The following IL10RB variants were observed in gnomAD, a reference collection of about 807,000 sequenced individuals.
IL10RB encodes the protein interleukin-10 receptor subunit beta.
A neutral mutation model predicts 38.7 loss-of-function variants in IL10RB; 30 were observed. The observed-to-expected ratio is 0.78, with a 90% confidence interval of 0.58 to 1.05. IL10RB has a LOEUF of 1.05. Among genes scored for constraint, IL10RB ranks in the 50% least tolerant of loss-of-function variants. The pLI is 0.00. For missense variants in IL10RB, 328 were observed against 397.1 expected, an observed-to-expected ratio of 0.83 and a Z score of 1.48; for synonymous variants, 142 against 145.9, an observed-to-expected ratio of 0.97 and a Z score of 0.19.
chr21:33,270,455 A>G (rs908375906), intron 2 of IL10RB, among the ~76,000 whole-genome samples: 6 of 149,352 alleles, frequency 4.0e-5, no homozygotes, highest in Non-Finnish European at 5.9e-5. Context: ...ATCTCATCTC[A>G]CTGCAACCTC....
downstream of IL10RB, among the ~76,000 whole-genome samples, chr21:33,298,243 A>G (rs1391579852): frequency 6.6e-6 from 1 of 152,238 alleles, no homozygotes; most frequent in East Asian, 1.9e-4. Context: ...GTTGACACAT[A>G]AAATTAACCA....
chr21:33,283,254 A>G lies in IL10RB; in HGVS notation c.646+13A>G. On this transcript the variant is annotated intron_variant, in intron 5 of 6. Coordinates refer to ENST00000290200, the MANE Select transcript of IL10RB (RefSeq NM_000628.5). ...ACAACCCATGACGGTAAGCCCTGAGATGCACCTCCGCTAAGCATCCTAAAC... is the reference window on the plus strand; with the variant it reads ...ACAACCCATGACGGTAAGCCCTGAGGTGCACCTCCGCTAAGCATCCTAAAC... 6.2e-7 allele frequency: 1 copy of G among 1,612,908 alleles called. No individual in the cohort carries two copies. Among genetic ancestry groups the G allele is most frequent in the Non-Finnish European group, 8.5e-7 (1 of 1,179,708 alleles).
intron 6 of IL10RB, among the ~76,000 whole-genome samples, chr21:33,289,262 A>T (rs45557043): frequency 1.3e-5 from 2 of 152,220 alleles, no homozygotes; most frequent in African/African-American, 4.8e-5. Flanking sequence ...CACAGCCTCC[A>T]TTACAGTCAC....
chr21:33,281,792 T>C (rs940229336), intron 4 of IL10RB, among the ~76,000 whole-genome samples: 1 of 152,176 alleles, frequency 6.6e-6, no homozygotes. Context: ...CTCTAGAATG[T>C]AGAGATTCCT....
intron 6 of IL10RB, among the ~76,000 whole-genome samples, chr21:33,293,010 G>A (rs1468398965): frequency 2.0e-5 from 3 of 152,214 alleles, no homozygotes; most frequent in Non-Finnish European, 4.4e-5. Flanking sequence ...CCAGAACCCT[G>A]AGGCCTCCAC....
chr21:33,286,328 T>C (rs148496026), intron 5 of IL10RB, among the ~76,000 whole-genome samples: 7 of 152,226 alleles, frequency 4.6e-5, no homozygotes, highest in African/African-American at 1.7e-4. Context: ...CAGTGTTTGT[T>C]CTCTTGGCCC....
intron 6 of IL10RB, among the ~76,000 whole-genome samples, chr21:33,293,830 G>A (rs1989536514): frequency 6.6e-6 from 1 of 151,922 alleles, no homozygotes; most frequent in African/African-American, 2.4e-5. Flanking sequence ...AAGTACCAAG[G>A]AGACTGCAGC....
At chr21:33,271,193 A>G (rs935841068) in intron 2 of IL10RB, among the ~76,000 whole-genome samples, 1 of 152,184 alleles carries the variant, frequency 6.6e-6, no homozygotes, top group Admixed American at 6.5e-5. Context: ...TGATCCCTAA[A>G]GATGTGATTG....
chr21:33,281,413 G>A (rs1372019055), intron 4 of IL10RB, among the ~76,000 whole-genome samples: 1 of 152,184 alleles, frequency 6.6e-6, no homozygotes, highest in Non-Finnish European at 1.5e-5. Context: ...TCCACTTACT[G>A]TTTAGCTTCT....
At chr21:33,268,659 C>CT (rs1020227138) in intron 2 of IL10RB, 142 bp downstream of exon 2, 1 of 721,116 alleles carries the variant, frequency 1.4e-6, no homozygotes, top group Non-Finnish European at 2.6e-6. Flanking sequence ...CCCTGCCAGC[C>CT]TTTTGCTGTC....
exon 2 of IL10RB, chr21:33,309,071 A>G (rs1223151845): frequency 6.6e-6 from 1 of 152,232 alleles, no homozygotes; most frequent in Non-Finnish European, 1.5e-5. Context: ...CCTGCACTCC[A>G]GTTGCCCTTG....
In IL10RB at chr21:33,283,218, T is replaced by C. The variant is rs754072787; in HGVS notation, c.623T>C (p.Val208Ala). The part of the protein sequence containing the change: ...RNKAGEWSEP[V>A]CEQTTHDETV... ...AAAGCTGGGGAATGGAGTGAGCCTG[T>C]CTGTGAGCAAACAACCCATGACGGT... The change falls in exon 5 of 7, where the codon GTC becomes GCC. Residue 208 changes from valine (V) to alanine (A), a missense_variant. Coordinates refer to ENST00000290200, the MANE Select transcript of IL10RB (RefSeq NM_000628.5). 6 of 1,614,036 alleles carry C rather than the reference T, an allele frequency of 3.7e-6. No homozygotes were observed. The highest frequency in any genetic ancestry group is 5.1e-6 in the Non-Finnish European group (6 of 1,180,028).
intron 5 of IL10RB, among the ~76,000 whole-genome samples, chr21:33,283,552 A>T (rs1244716043): frequency 6.6e-6 from 1 of 152,156 alleles, no homozygotes; most frequent in Non-Finnish European, 1.5e-5. Flanking sequence ...AAGGCTCATC[A>T]GTCCTCCCAA....
At chr21:33,295,826 G>A (rs2082963491) in intron 6 of IL10RB, among the ~76,000 whole-genome samples, 1 of 151,294 alleles carries the variant, frequency 6.6e-6, no homozygotes, top group East Asian at 2.0e-4. Context: ...GGGTGGATCA[G>A]CTGAGGTCAG....
rs543136078 is a variant in IL10RB, at chr21:33,267,482, G to A, written c.50-912G>A. Among the ~76,000 whole-genome samples, 5 of 124,682 alleles carry A rather than the reference G, an allele frequency of 4.0e-5. No homozygotes were observed. In the South Asian group the frequency reaches 7.8e-4, roughly 19 times the overall value. 81.8% of individuals were successfully genotyped at this position (124,682 alleles called of 152,430 possible). On this transcript the variant is annotated intron_variant, in intron 1 of 6. Coordinates refer to ENST00000290200, the MANE Select transcript of IL10RB (RefSeq NM_000628.5). ...TTTTCTTTTCTTTCTTTCTTCTTCCGTTTTTTTTTTTGTTTGTTTGTTTTT... is the reference window on the plus strand; with the variant it reads ...TTTTCTTTTCTTTCTTTCTTCTTCCATTTTTTTTTTTGTTTGTTTGTTTTT...
At position 33,266,535 on chromosome 21, in the gene IL10RB, G is replaced by C. The variant is rs770612245; in HGVS notation, c.49+21G>C. The C allele has an allele frequency of 3.2e-6, 5 of 1,540,382 alleles. No individual in the cohort carries two copies. In the South Asian group the frequency reaches 6.0e-5, roughly 18 times the overall value. On this transcript the variant is annotated intron_variant, in intron 1 of 6. Coordinates refer to ENST00000290200, the MANE Select transcript of IL10RB (RefSeq NM_000628.5). ...GTCAGGTGAGGGGTCCGCGGGGAGGGGGCGCGCTTGGGAACCGGGAGGCCC... is the reference window on the plus strand; with the variant it reads ...GTCAGGTGAGGGGTCCGCGGGGAGGCGGCGCGCTTGGGAACCGGGAGGCCC...
chr21:33,267,516 T>G (rs1022478081), intron 1 of IL10RB, among the ~76,000 whole-genome samples: 3 of 86,976 alleles, frequency 3.4e-5, no homozygotes, highest in African/African-American at 1.0e-4. Flanking sequence ...TTTTGTTTTT[T>G]TGTTTTTTTT....
At chr21:33,285,559 C>G (rs929592110) in intron 5 of IL10RB, among the ~76,000 whole-genome samples, 1 of 152,168 alleles carries the variant, frequency 6.6e-6, no homozygotes, top group African/African-American at 2.4e-5. Flanking sequence ...GGGTGAGTAA[C>G]AAAAGCATTC....
Position 33,268,530 on chromosome 21 carries a change from T to C in IL10RB, c.173+13T>C, listed in dbSNP as rs1344216993. The C allele has an allele frequency of 6.3e-7, 1 of 1,596,992 alleles. No individual in the cohort carries two copies. The highest frequency in any genetic ancestry group is 1.7e-5 in the Admixed American group (1 of 59,996). ...CTCAGTACCTAAGGTGGGTCTGGCC[T>C]CACTATTGGCAGGAACGCACCGGAG... is the stretch of plus-strand genomic sequence containing the variant. On this transcript the variant is annotated intron_variant, in intron 2 of 6. Transcript: ENST00000290200.
Sources: gnomAD v4.1 joint callset for allele counts (sites outside exome capture counted in the v4.1 genomes callset) on GRCh38, gnomAD v4.1.1 for gene constraint, MANE v1.5 for transcripts, NCBI Gene and HGNC (gene_info 2026-07-23, HGNC 2026-07-21) for gene names.